Variants in RBMS1 observed in about 807,000 individuals in gnomAD.
RBMS1 encodes the protein RNA-binding motif, single-stranded-interacting protein 1.
RBMS1 carries 17 observed loss-of-function variants against 62.3 expected under a neutral mutation model. The ratio of observed to expected loss-of-function variants is 0.27; its 90% CI spans 0.19 to 0.41. RBMS1 has a LOEUF of 0.41. Among genes scored for constraint, RBMS1 ranks in the 10% least tolerant of loss-of-function variants. The pLI, the probability that RBMS1 is intolerant of heterozygous loss-of-function variation, is 1.00. For missense variants in RBMS1, 334 were observed against 504.5 expected, an observed-to-expected ratio of 0.66 and a Z score of 3.24; for synonymous variants, 172 against 170.0, an observed-to-expected ratio of 1.01 and a Z score of -0.09.
At chr2:160,284,644 T>C (rs780914714) in intron 9 of RBMS1, 131 bp downstream of exon 9, 48 of 725,074 alleles carry the variant, frequency 6.6e-5, no homozygotes, top group Admixed American at 1.3e-4. Context: ...TCATACTAAA[T>C]TGGGTATCCA....
intron 2 of RBMS1, among the ~76,000 whole-genome samples, chr2:160,355,880 T>C (rs1245125729): frequency 6.6e-6 from 1 of 152,116 alleles, no homozygotes; most frequent in Non-Finnish European, 1.5e-5. Context: ...AGGTGGAAAA[T>C]GTCTCAGTGC....
At chr2:160,471,749 T>C (rs7425218) in intron 1 of RBMS1, among the ~76,000 whole-genome samples, 125,792 of 132,604 alleles carry the variant, frequency 0.95, 59,903 homozygotes, top group East Asian at 1. Context: ...TAAGTAGAAG[T>C]CCACTAGGTA....
chr2:160,290,383 C>A (rs1424409075), intron 6 of RBMS1, among the ~76,000 whole-genome samples: 1 of 151,936 alleles, frequency 6.6e-6, no homozygotes, highest in African/African-American at 2.4e-5. Context: ...AACTGTCAAT[C>A]TTCTATATGC....
intron 2 of RBMS1, among the ~76,000 whole-genome samples, chr2:160,345,762 TTG>T (rs1244812999): frequency 6.6e-6 from 1 of 152,142 alleles, no homozygotes; most frequent in Non-Finnish European, 1.5e-5. Flanking sequence ...CTTGTTCTGA[TTG>T]GCTAGAGTCT....
chr2:160,303,691 C>A (rs1278373744), intron 4 of RBMS1, among the ~76,000 whole-genome samples: 1 of 152,160 alleles, frequency 6.6e-6, no homozygotes, highest in Non-Finnish European at 1.5e-5. Flanking sequence ...TCCCACCAAG[C>A]CCTTCTTAGC....
At chr2:160,332,745 G>C (rs994345588) in intron 2 of RBMS1, among the ~76,000 whole-genome samples, 8 of 152,094 alleles carry the variant, frequency 5.3e-5, no homozygotes, top group Admixed American at 5.2e-4. Context: ...CCTCCAAGGG[G>C]AGCTGAGATC....
intron 2 of RBMS1, among the ~76,000 whole-genome samples, chr2:160,333,836 C>T (rs1217162755): frequency 6.6e-6 from 1 of 151,988 alleles, no homozygotes; most frequent in Non-Finnish European, 1.5e-5. Flanking sequence ...GTGATGGAAA[C>T]TCAGGAGATA....
chr2:160,444,635 G>A (rs1353975192), intron 1 of RBMS1, among the ~76,000 whole-genome samples: 1 of 152,176 alleles, frequency 6.6e-6, no homozygotes. Flanking sequence ...ACTGAACTGT[G>A]TCTCCCAAAA....
chr2:160,346,364 C>T (rs758083098), intron 2 of RBMS1, among the ~76,000 whole-genome samples: 1 of 152,140 alleles, frequency 6.6e-6, no homozygotes, highest in Non-Finnish European at 1.5e-5. Flanking sequence ...GCAGCCTGGG[C>T]ATTCTTTCAG....
At chr2:160,436,958 A>G (rs925867353) in intron 1 of RBMS1, among the ~76,000 whole-genome samples, 6 of 152,216 alleles carry the variant, frequency 3.9e-5, no homozygotes, top group Non-Finnish European at 7.3e-5. Flanking sequence ...GTCTTTATAC[A>G]GAAATTTGAA....
At chr2:160,298,558 C>G (rs1279372651) in intron 6 of RBMS1, among the ~76,000 whole-genome samples, 3 of 151,858 alleles carry the variant, frequency 2.0e-5, no homozygotes, top group Non-Finnish European at 4.4e-5. Flanking sequence ...AGGATTAACA[C>G]AAGATGGGAA....
chr2:160,324,081 T>G (rs539453495), intron 2 of RBMS1, among the ~76,000 whole-genome samples: 3 of 152,330 alleles, frequency 2.0e-5, no homozygotes, highest in African/African-American at 7.2e-5. Flanking sequence ...TTTTGGTAAT[T>G]TATATTACAA....
intron 13 of RBMS1, among the ~76,000 whole-genome samples, chr2:160,275,186 T>A (rs1386141344): frequency 1.3e-5 from 2 of 152,214 alleles, no homozygotes; most frequent in South Asian, 2.1e-4. Flanking sequence ...GAGTTGGGAA[T>A]ATAATCTTTC....
At chr2:160,309,800 T>C (rs1689747709) in intron 4 of RBMS1, among the ~76,000 whole-genome samples, 1 of 152,124 alleles carries the variant, frequency 6.6e-6, no homozygotes, top group Non-Finnish European at 1.5e-5. Flanking sequence ...AATGAAGCCA[T>C]GGCTAGTGAG....
intron 9 of RBMS1, chr2:160,283,688 CTTA>C (rs1274219368): frequency 1.3e-5 from 2 of 152,158 alleles, no homozygotes; most frequent in Non-Finnish European, 2.9e-5. Context: ...CTAATATACT[CTTA>C]TTATCAGCCA....
chr2:160,293,607 A>G (rs1192443623), intron 6 of RBMS1, among the ~76,000 whole-genome samples: 1 of 152,192 alleles, frequency 6.6e-6, no homozygotes, highest in Non-Finnish European at 1.5e-5. Flanking sequence ...AGGTTCAGAA[A>G]GCGAGATGGG....
At chr2:160,439,818 C>T (rs530004029) in intron 1 of RBMS1, among the ~76,000 whole-genome samples, 1 of 152,282 alleles carries the variant, frequency 6.6e-6, no homozygotes, top group African/African-American at 2.4e-5. Context: ...CTTGGGAGGC[C>T]GAGGCTGGCG....
At chr2:160,392,052 G>A (rs2105213451) in intron 1 of RBMS1, among the ~76,000 whole-genome samples, 1 of 152,098 alleles carries the variant, frequency 6.6e-6, no homozygotes, top group Non-Finnish European at 1.5e-5. Flanking sequence ...ATAAAACCAA[G>A]CAAAAGAACT....
chr2:160,428,520 AG>A (rs139213599), intron 1 of RBMS1, among the ~76,000 whole-genome samples: 40,217 of 151,696 alleles, frequency 0.27, 6,241 homozygotes, highest in East Asian at 0.6. Flanking sequence ...AAGAAGAAGA[AG>A]AAAAAAACTC....
Sources: allele counts gnomAD v4.1 joint callset (sites outside exome capture counted in the v4.1 genomes callset), GRCh38; gene constraint gnomAD v4.1.1; transcripts MANE v1.5; gene names NCBI Gene and HGNC (gene_info 2026-07-23, HGNC 2026-07-21).